The following PIK3C3 variants were observed in gnomAD, a reference collection of about 807,000 sequenced individuals.
PIK3C3 encodes the protein PI3-kinase type 3.
A neutral mutation model predicts 126.1 loss-of-function variants in PIK3C3; 95 were observed. That is an observed-to-expected ratio of 0.75 (90% CI 0.64 to 0.89). The LOEUF is 0.89. Ranked by LOEUF, PIK3C3 falls within the 40% of genes least tolerant of loss-of-function variation. PIK3C3 has a pLI of 0.00. For missense variants in PIK3C3, 829 were observed against 1,063.2 expected (o/e 0.78, Z 3.06); for synonymous variants, 374 against 360.0 (o/e 1.04, Z -0.44).
chr18:42,048,815 T>C (rs987333255), intron 20 of PIK3C3, among the ~76,000 whole-genome samples: 1 of 152,200 alleles, frequency 6.6e-6, no homozygotes, highest in Non-Finnish European at 1.5e-5. Flanking sequence ...TGCTATAGTT[T>C]TATATGTTTA....
At chr18:41,972,910 T>C (rs1980738877) in intron 4 of PIK3C3, among the ~76,000 whole-genome samples, 1 of 152,092 alleles carries the variant, frequency 6.6e-6, no homozygotes, top group Admixed American at 6.6e-5. Flanking sequence ...TGTCTTAAGA[T>C]TTGACAAAAT....
chr18:41,955,298 G>C lies in PIK3C3; in HGVS notation c.7G>C (p.Glu3Gln), dbSNP rs745835818. The C allele has an allele frequency of 6.2e-7, 1 of 1,613,102 alleles. No homozygotes were observed. Among genetic ancestry groups the C allele is most frequent in the South Asian group, 1.1e-5 (1 of 90,976 alleles). Residue 3 changes from glutamate (E) to glutamine (Q), a missense_variant, in exon 1 of 25, where the codon GAA becomes CAA. Physicochemically the swap from Glu to Gln is conservative, Grantham distance 29. Transcript: ENST00000262039. MG[E>Q]AEKFHYIYSC... ...TACCTTTGCAGACGGTGCGATGGGG[G>C]AAGCAGAGAAGTTTCACTACATCTA...
rs761874627 is a variant in PIK3C3 at position 42,081,165 on chromosome 18, G to GGC, written c.*29_*30dup. 1.9e-6 allele frequency: 3 copies of GGC among 1,555,144 alleles called. No homozygotes were observed. In the East Asian group the frequency reaches 6.8e-5, roughly 35 times the overall value. Reference sequence around the variant, plus strand: ...CTGGGATTGACCCATCAAGATGCTTGGCTCAATAAGAAAACCACGTTAGGA... The same window carrying GGC: ...CTGGGATTGACCCATCAAGATGCTTGGCGCTCAATAAGAAAACCACGTTAGGA... On this transcript the variant is annotated 3_prime_UTR_variant, in exon 25 of 25. Coordinates refer to ENST00000262039, the MANE Select transcript of PIK3C3 (RefSeq NM_002647.4).
At chr18:42,038,558 G>C (rs1984163834) in intron 17 of PIK3C3, among the ~76,000 whole-genome samples, 1 of 151,988 alleles carries the variant, frequency 6.6e-6, no homozygotes, top group African/African-American at 2.4e-5. Context: ...TGACCAGGCT[G>C]ATCTTGAACT....
At chr18:42,072,318 A>G (rs1056600560) in intron 24 of PIK3C3, among the ~76,000 whole-genome samples, 3 of 152,204 alleles carry the variant, frequency 2.0e-5, no homozygotes, top group Non-Finnish European at 4.4e-5. Context: ...ACAACATTCA[A>G]AAAGAAGACT....
intron 14 of PIK3C3, among the ~76,000 whole-genome samples, chr18:42,029,097 C>A (rs549066664): frequency 5.3e-5 from 8 of 152,206 alleles, no homozygotes; most frequent in Admixed American, 3.3e-4. Flanking sequence ...GTAGATAGAC[C>A]AGTATTTGCT....
intron 18 of PIK3C3, among the ~76,000 whole-genome samples, chr18:42,039,656 C>A (rs552688652): frequency 6.6e-6 from 1 of 152,146 alleles, no homozygotes; most frequent in Non-Finnish European, 1.5e-5. Flanking sequence ...TGCTCCATGG[C>A]CTATTAATTT....
In PIK3C3 at chr18:42,087,741, A is replaced by G. The variant is rs1986427144; in HGVS notation, c.*6604A>G. 3 of 152,356 alleles carry G rather than the reference A, an allele frequency of 2.0e-5. No individual in the cohort carries two copies. Among genetic ancestry groups the G allele is most frequent in the South Asian group, 4.1e-4 (2 of 4,824 alleles). The allele number at this position is 152,356 out of a possible 1,614,324, so 9.4% of individuals were successfully genotyped here. A position where few individuals can be genotyped will look rare whatever the true frequency, so the allele number is the denominator to read the frequency against. ...AGCCTTTGCAAGATTACCATTTATCAAAGAAAACCAGTGATGTTTAGTTAA... is the reference window on the plus strand; with the variant it reads ...AGCCTTTGCAAGATTACCATTTATCGAAGAAAACCAGTGATGTTTAGTTAA... On this transcript the variant is annotated 3_prime_UTR_variant, in exon 25 of 25. Coordinates refer to ENST00000262039, the MANE Select transcript of PIK3C3 (RefSeq NM_002647.4).
intron 5 of PIK3C3, among the ~76,000 whole-genome samples, chr18:41,988,975 G>A (rs669235): frequency 0.083 from 12,636 of 151,996 alleles, 1,717 homozygotes; most frequent in African/African-American, 0.28. Context: ...TAATTTCTTT[G>A]AAAGAAATTA....
In PIK3C3 at chr18:42,022,672, G is replaced by A. The variant is rs148640636; in HGVS notation, c.1484+1967G>A. ...TGTTTGTTTTTTTCTGTTGGCCTCTGTAGTGGGAAGAAAAAGAGTTTCCTG... is the reference window on the plus strand; with the variant it reads ...TGTTTGTTTTTTTCTGTTGGCCTCTATAGTGGGAAGAAAAAGAGTTTCCTG... On this transcript the variant is annotated intron_variant, in intron 13 of 24. Coordinates refer to ENST00000262039, the MANE Select transcript of PIK3C3 (RefSeq NM_002647.4). 2.2e-3 allele frequency among the ~76,000 whole-genome samples: 337 copies of A among 151,894 alleles called. 1 individual carries two copies. The highest frequency in any genetic ancestry group is 7.5e-3 in the African/African-American group (311 of 41,418).
chr18:42,001,870 G>A (rs913425290), intron 9 of PIK3C3, among the ~76,000 whole-genome samples: 3 of 152,168 alleles, frequency 2.0e-5, no homozygotes, highest in Admixed American at 6.5e-5. Context: ...TATTTAAGAA[G>A]TATTGCTTTG....
At chr18:42,003,368 G>T (rs111434011) in intron 9 of PIK3C3, among the ~76,000 whole-genome samples, 30 of 152,310 alleles carry the variant, frequency 2.0e-4, no homozygotes, top group African/African-American at 4.6e-4. Context: ...CTTGGGTTCA[G>T]CCAGGAAAGT....
At chr18:41,964,528 A>G (rs557191700) in intron 3 of PIK3C3, among the ~76,000 whole-genome samples, 1 of 152,202 alleles carries the variant, frequency 6.6e-6, no homozygotes, top group East Asian at 1.9e-4. Context: ...TATATCATAT[A>G]TTTATGTATT....
In PIK3C3 at chr18:42,081,335, T is replaced by C. The variant is rs1452810231; in HGVS notation, c.*198T>C. On this transcript the variant is annotated 3_prime_UTR_variant, in exon 25 of 25. Transcript: ENST00000262039. ...TGCTTAAATATAGTCTTGAAGGGCT[T>C]GTTTTGAAATATTGTATATATTTTT... The C allele has an allele frequency of 2.3e-6, 1 of 432,548 alleles. No homozygotes were observed. The highest frequency in any genetic ancestry group is 3.4e-5 in the East Asian group (1 of 29,210). 26.8% of individuals were successfully genotyped at this position (432,548 alleles called of 1,614,324 possible).
At chr18:41,997,621 A>G (rs1276770708) in intron 9 of PIK3C3, among the ~76,000 whole-genome samples, 2 of 152,100 alleles carry the variant, frequency 1.3e-5, no homozygotes, top group Non-Finnish European at 2.9e-5. Context: ...CTCTTAAGGT[A>G]TAATAATAAT....
chr18:42,041,580 T>C (rs2144473389), intron 19 of PIK3C3, among the ~76,000 whole-genome samples: 1 of 131,466 alleles, frequency 7.6e-6, no homozygotes, highest in Non-Finnish European at 1.6e-5. Context: ...TTTTCCTGCT[T>C]CCCTTTGTAA....
intron 16 of PIK3C3, among the ~76,000 whole-genome samples, chr18:42,036,339 T>C (rs1984047905): frequency 6.6e-6 from 1 of 152,170 alleles, no homozygotes; most frequent in Non-Finnish European, 1.5e-5. Flanking sequence ...TTGCCATTTG[T>C]TTTGTCACAT....
chr18:41,987,898 G>A lies in PIK3C3; in HGVS notation c.618G>A (p.Glu206=), dbSNP rs1981574840. The change falls in exon 5 of 25, where the codon GAG becomes GAA. Residue 206 remains glutamate (E), a splice_region_variant and synonymous_variant. Transcript: ENST00000262039. ...LTFREIEMIN[E]SEKRSSNFMY... ...TTAGAGAAATAGAAATGATAAATGA[G>A]GTGGGTTATATCACTCTTTTATTTT... The A allele has an allele frequency of 1.3e-6, 2 of 1,531,196 alleles. No individual in the cohort carries two copies. Among genetic ancestry groups the A allele is most frequent in the African/African-American group, 2.7e-5 (2 of 72,876 alleles). 94.9% of individuals were successfully genotyped at this position (1,531,196 alleles called of 1,614,324 possible).
chr18:42,051,926 TAACA>T (rs1424607179), intron 21 of PIK3C3, among the ~76,000 whole-genome samples: 2 of 151,924 alleles, frequency 1.3e-5, no homozygotes, highest in African/African-American at 4.8e-5. Context: ...TATACATATG[TAACA>T]AACCTGCACG....
Sources: allele counts gnomAD v4.1 joint callset (sites outside exome capture counted in the v4.1 genomes callset), GRCh38; gene constraint gnomAD v4.1.1; transcripts MANE v1.5; gene names NCBI Gene and HGNC (gene_info 2026-07-23, HGNC 2026-07-21).